Variants in LAMP2 observed in about 807,000 individuals in gnomAD.
LAMP2 encodes the protein lysosome associated membrane protein 2, also known as lysosome-associated membrane glycoprotein 2.
A neutral mutation model predicts 25.6 loss-of-function variants in LAMP2; 4 were observed. That is an observed-to-expected ratio of 0.16 (90% CI 0.08 to 0.36). The LOEUF (loss-of-function observed/expected upper bound fraction) is 0.36. LAMP2 is among the 10% of genes least tolerant of loss of function. LAMP2 has a pLI of 1.00. For missense variants in LAMP2, 272 were observed against 301.4 expected (o/e 0.90, Z 0.72); for synonymous variants, 108 against 112.7 (o/e 0.96, Z 0.27).
rs1014439065 is a variant in LAMP2, at chrX:120,429,650, C to T, written c.*1673G>A. 9 of 750,755 alleles carry T rather than the reference C, an allele frequency of 1.2e-5. No homozygotes were observed. The highest frequency in any genetic ancestry group is 2.3e-5 in the African/African-American group (1 of 42,725). 61.9% of individuals were successfully genotyped at this position (750,755 alleles called of 1,213,427 possible). On this transcript the variant is annotated 3_prime_UTR_variant, in exon 9 of 9. Transcript: ENST00000200639. Reference sequence around the variant, plus strand: ...AAAAAAACTTAAGCAAAACATAGTACGGAAGCCCAAAGTGCCCAATTCTGA... The same window carrying T: ...AAAAAAACTTAAGCAAAACATAGTATGGAAGCCCAAAGTGCCCAATTCTGA...
intron 3 of LAMP2, among the ~76,000 whole-genome samples, chrX:120,449,546 C>T (rs771751502): frequency 1.0e-3 from 117 of 111,683 alleles, no homozygotes; most frequent in African/African-American, 3.6e-3. Flanking sequence ...ACCCGGGAGG[C>T]GGAGGTTGCA....
chrX:120,468,115 C>T (rs904791656), intron 1 of LAMP2, among the ~76,000 whole-genome samples: 2 of 111,551 alleles, frequency 1.8e-5, no homozygotes, highest in African/African-American at 6.5e-5. Context: ...GCAAGTTTGT[C>T]TACCTGCTCC....
At chrX:120,458,664 C>T (rs1470200574) in intron 1 of LAMP2, among the ~76,000 whole-genome samples, 2 of 111,510 alleles carry the variant, frequency 1.8e-5, no homozygotes, top group Non-Finnish European at 3.8e-5. Flanking sequence ...AATTCCCAAA[C>T]TAAAATTCAT....
chrX:120,430,298 C>A lies in LAMP2; in HGVS notation c.*1025G>T, dbSNP rs1481116418. On this transcript the variant is annotated 3_prime_UTR_variant, in exon 9 of 9. Transcript: ENST00000200639. Reference sequence around the variant, plus strand: ...ATGCCAACAGCTTCTCTTTACACCCCCATCTATGCACTGCCCCACAGGGGC... The same window carrying A: ...ATGCCAACAGCTTCTCTTTACACCCACATCTATGCACTGCCCCACAGGGGC... The A allele has an allele frequency of 3.7e-5, 28 of 753,204 alleles. No homozygotes were observed. In the Admixed American group the frequency reaches 1.8e-3, roughly 49 times the overall value. 62.1% of individuals were successfully genotyped at this position (753,204 alleles called of 1,213,427 possible). A position where few individuals can be genotyped will look rare whatever the true frequency, so the allele number is the denominator to read the frequency against.
chrX:120,443,182 T>C (rs901350574), intron 6 of LAMP2, among the ~76,000 whole-genome samples: 2 of 111,235 alleles, frequency 1.8e-5, no homozygotes, highest in African/African-American at 3.3e-5. Flanking sequence ...GATAAACACA[T>C]AAACAACCAT....
Position 120,428,550 on chromosome X carries a change from T to G in LAMP2, c.*2773A>C, listed in dbSNP as rs397516587. Reference sequence around the variant, plus strand: ...TCATATAAGAGATAAAGACAACAATTATAAGGAAGCCCAAGGCCACACCCA... The same window carrying G: ...TCATATAAGAGATAAAGACAACAATGATAAGGAAGCCCAAGGCCACACCCA... On this transcript the variant is annotated 3_prime_UTR_variant, in exon 9 of 9. Transcript: ENST00000200639. 2 of 1,200,823 alleles carry G rather than the reference T, an allele frequency of 1.7e-6. No homozygotes were observed. Among genetic ancestry groups the G allele is most frequent in the Non-Finnish European group, 2.2e-6 (2 of 890,918 alleles).
intron 1 of LAMP2, among the ~76,000 whole-genome samples, chrX:120,461,548 A>AT (rs11375623): frequency 0.33 from 36,643 of 110,521 alleles, 4,986 homozygotes; most frequent in Middle Eastern, 0.47. Flanking sequence ...TTCCCTTTAG[A>AT]TAACATTTCT....
intron 3 of LAMP2, among the ~76,000 whole-genome samples, chrX:120,452,731 T>C (rs761578449): frequency 9.9e-6 from 1 of 100,542 alleles, no homozygotes; most frequent in Admixed American, 1.1e-4. Flanking sequence ...TTTTTTTTTT[T>C]TTTGTAGAGA....
rs746868049 is a variant in LAMP2 at position 120,447,132 on chromosome X, G to A, written c.742-705C>T. On this transcript the variant is annotated intron_variant, in intron 5 of 8. Transcript: ENST00000200639. ...CATTTAAAACTGAATCAGGCTGGGC[G>A]CGGTGGCTCACGCCTGTAATTCCAG... Among the ~76,000 whole-genome samples, 98 of 112,552 alleles carry A rather than the reference G, an allele frequency of 8.7e-4. No individual in the cohort carries two copies. In the Middle Eastern group the frequency reaches 0.014, roughly 16 times the overall value.
chrX:120,469,094 C>T lies in LAMP2; in HGVS notation c.64+12G>A. 8.3e-7 allele frequency: 1 copy of T among 1,210,820 alleles called. No individual in the cohort carries two copies. The highest frequency in any genetic ancestry group is 1.1e-6 in the Non-Finnish European group (1 of 894,412). On this transcript the variant is annotated intron_variant, in intron 1 of 8. Transcript: ENST00000200639. The stretch of plus-strand genomic sequence containing the variant: ...AGGCGGACAGACTAATCGGGAGGGC[C>T]CGACAACTCACCCAGGACTAGGCAG...
chrX:120,449,073 A>G lies in LAMP2; in HGVS notation c.453T>C (p.Phe151=), dbSNP rs200348335. The part of the protein sequence containing the change: ...LAIRIPLNDL[F]RCNSLSTLEK... ...CCAAAGTTGATAAACTATTGCATCT[A>G]AAAAGGTCATTCAATGGAATTCTGA... Residue 151 remains phenylalanine, a synonymous_variant, in exon 4 of 9, where the codon TTT becomes TTC. Transcript: ENST00000200639. 4.2e-6 allele frequency: 5 copies of G among 1,202,291 alleles called. No individual in the cohort carries two copies. The East Asian group carries it at 1.2e-4, about 28-fold the overall frequency.
rs149208640 is a variant in LAMP2 at position 120,441,929 on chromosome X, T to A, written c.929-35A>T. The A allele has an allele frequency of 4.1e-4, 478 of 1,157,473 alleles. 2 individuals carry two copies. The African/African-American group carries it at 7.5e-3, about 18-fold the overall frequency. Reference sequence around the variant, plus strand: ...AAAGAAACAGGTTAGTAACTTCTTATCCTATCAACATCAAAAATGGGAAAG... The same window carrying A: ...AAAGAAACAGGTTAGTAACTTCTTAACCTATCAACATCAAAAATGGGAAAG... On this transcript the variant is annotated intron_variant, in intron 7 of 8. Transcript: ENST00000200639.
chrX:120,436,170 A>ACACACACACT (rs1251901451), intron 8 of LAMP2, among the ~76,000 whole-genome samples: 44 of 57,303 alleles, frequency 7.7e-4, no homozygotes, highest in African/African-American at 2.1e-3. Context: ...ACACACACAC[A>ACACACACACT]CTCTCTCTCT....
At chrX:120,443,306 T>C (rs1453181898) in intron 6 of LAMP2, among the ~76,000 whole-genome samples, 2 of 111,870 alleles carry the variant, frequency 1.8e-5, no homozygotes, top group Non-Finnish European at 3.8e-5. Flanking sequence ...CGGGCAGGAT[T>C]CTCTTAGGAA....
chrX:120,449,208 C>T, intron 3 of LAMP2, 80 bp from the exon 4 acceptor site: 1 of 785,505 alleles, frequency 1.3e-6, no homozygotes. Flanking sequence ...TATAGGCTTT[C>T]TTCTTCTCTC....
In LAMP2 at chrX:120,456,656, T is replaced by C. The variant is rs1207512652; in HGVS notation, c.178A>G (p.Thr60Ala). The C allele has an allele frequency of 2.9e-6, 3 of 1,043,284 alleles. No homozygotes were observed. The highest frequency in any genetic ancestry group is 2.3e-5 in the Admixed American group (1 of 43,975). 86.0% of individuals were successfully genotyped at this position (1,043,284 alleles called of 1,213,427 possible). A position where few individuals can be genotyped will look rare whatever the true frequency, so the allele number is the denominator to read the frequency against. Residue 60 changes from threonine to alanine, a missense_variant, in exon 2 of 9, where the codon ACT becomes GCT. By Grantham distance (58) the Thr-to-Ala change is moderately conservative. Transcript: ENST00000200639. ...FTVRYETTNK[T>A]YKTVTISDHG... ...AAATTAAAATATATACTTACATAAG[T>C]TTTATTTGTAGTTTCATAGCGTACT...
chrX:120,452,812 C>T (rs984752398), intron 3 of LAMP2, among the ~76,000 whole-genome samples: 8 of 107,261 alleles, frequency 7.5e-5, no homozygotes, highest in Non-Finnish European at 1.4e-4. Context: ...CCTCGGCCAC[C>T]CAAAGTGCTG....
In LAMP2 at chrX:120,441,844, T is replaced by C. The variant is rs750874008; in HGVS notation, c.979A>G (p.Ser327Gly). Reference protein sequence around the residue: ...NLSYWDAPLGSSYMCNKEQTV... With the variant: ...NLSYWDAPLGGSYMCNKEQTV... The stretch of plus-strand genomic sequence containing the variant: ...TGCTCTTTGTTGCACATATAAGAAC[T>C]TCCCAGGGGGGCATCCCAGTAGCTG... The change falls in exon 8 of 9, where the codon AGT (serine) becomes GGT (glycine). Residue 327 changes from serine (S) to glycine (G), a missense_variant. By Grantham distance (56) the Ser-to-Gly change is moderately conservative. Coordinates refer to ENST00000200639, the MANE Select transcript of LAMP2 (RefSeq NM_002294.3). The C allele has an allele frequency of 2.5e-6, 3 of 1,210,067 alleles. No individual in the cohort carries two copies. Among genetic ancestry groups the C allele is most frequent in the Middle Eastern group, 2.3e-4 (1 of 4,351 alleles).
At chrX:120,436,179 CTCTCTCTCTG>C (rs2058543633) in intron 8 of LAMP2, among the ~76,000 whole-genome samples, 1 of 109,583 alleles carries the variant, frequency 9.1e-6, no homozygotes, top group East Asian at 2.8e-4. Context: ...CACTCTCTCT[CTCTCTCTCTG>C]TCTCTCTCTC....
Sources: gnomAD v4.1 joint callset for allele counts (sites outside exome capture counted in the v4.1 genomes callset) on GRCh38, gnomAD v4.1.1 for gene constraint, MANE v1.5 for transcripts, NCBI Gene and HGNC (gene_info 2026-07-23, HGNC 2026-07-21) for gene names.